The following ZNF536 variants were observed in gnomAD, a reference collection of about 807,000 sequenced individuals.
ZNF536 encodes the protein zinc finger protein 536.
Under a neutral mutation model 84.5 loss-of-function variants are expected in ZNF536, and 13 were observed. The ratio of observed to expected loss-of-function variants is 0.15; its 90% CI spans 0.10 to 0.24. The LOEUF is 0.24. Ranked by LOEUF, ZNF536 falls within the 10% of genes least tolerant of loss-of-function variation. The probability of loss-of-function intolerance (pLI) is 1.00; values close to 1 mark genes in which losing one functional copy is unlikely to be tolerated. For missense variants in ZNF536, 1,536 were observed against 1,747.5 expected (o/e 0.88, Z 2.16); for synonymous variants, 811 against 742.5 (o/e 1.09, Z -1.50).
At chr19:30,458,458 T>G (rs902109481) in intron 2 of ZNF536, among the ~76,000 whole-genome samples, 6 of 126,690 alleles carry the variant, frequency 4.7e-5, no homozygotes, top group Admixed American at 8.8e-5. Flanking sequence ...TTTTTTTTTT[T>G]TTTTTTTTTT....
chr19:30,374,800 C>T (rs1489525624), intron 1 of ZNF536, among the ~76,000 whole-genome samples: 1 of 151,904 alleles, frequency 6.6e-6, no homozygotes, highest in East Asian at 1.9e-4. Flanking sequence ...AGGCCACCCC[C>T]AGCCGGCGCC....
At chr19:30,571,369 A>G (rs2046539922) in intron 1 of ZNF536, among the ~76,000 whole-genome samples, 1 of 152,040 alleles carries the variant, frequency 6.6e-6, no homozygotes, top group African/African-American at 2.4e-5. Context: ...AAAGTTGGGA[A>G]TCTCCCAAAG....
At chr19:30,281,829 A>G (rs1001400504) in intron 1 of ZNF536, among the ~76,000 whole-genome samples, 1 of 151,564 alleles carries the variant, frequency 6.6e-6, no homozygotes. Flanking sequence ...TCCCCTTCCC[A>G]CCCCTACTCT....
rs550911611 is a variant in ZNF536 at position 30,689,170 on chromosome 19, G to A, written c.170-21587G>A. Among the ~76,000 whole-genome samples the A allele has an allele frequency of 3.3e-4, 50 of 152,360 alleles. No homozygotes were observed. In the East Asian group the frequency reaches 5.8e-3, roughly 18 times the overall value. ...CCAGGCTACGCAGCTGTTAAGAGCT[G>A]AAGGTAGAGAGCTGTCTGCCTCCAA... On this transcript the variant is annotated intron_variant, in intron 1 of 1. Coordinates refer to the ZNF536 transcript ENST00000592773.
At chr19:30,675,385 C>T (rs1414220813) in intron 1 of ZNF536, among the ~76,000 whole-genome samples, 1 of 152,180 alleles carries the variant, frequency 6.6e-6, no homozygotes, top group Non-Finnish European at 1.5e-5. Flanking sequence ...TGAGCAGAGA[C>T]AGGTGAGAAA....
chr19:30,500,336 A>C (rs1038289603), intron 2 of ZNF536, among the ~76,000 whole-genome samples: 1 of 152,116 alleles, frequency 6.6e-6, no homozygotes, highest in East Asian at 1.9e-4. Flanking sequence ...CTGTGTCTAG[A>C]ATCTCAGCAA....
At chr19:30,435,085 T>C (rs2051666395) in intron 1 of ZNF536, among the ~76,000 whole-genome samples, 1 of 146,892 alleles carries the variant, frequency 6.8e-6, no homozygotes, top group African/African-American at 2.6e-5. Context: ...CTGGTGATGA[T>C]GATGATCATG....
chr19:30,624,281 C>A (rs1032118171), intron 1 of ZNF536, among the ~76,000 whole-genome samples: 3 of 152,146 alleles, frequency 2.0e-5, no homozygotes, highest in Non-Finnish European at 2.9e-5. Context: ...TCTATGAAAG[C>A]TTTTAGCATC....
intron 2 of ZNF536, among the ~76,000 whole-genome samples, chr19:30,529,001 T>A (rs989030520): frequency 1.4e-5 from 2 of 145,664 alleles, no homozygotes; most frequent in Admixed American, 6.9e-5. Flanking sequence ...GACCCGGAGG[T>A]CTAGTCCTCG....
intron 1 of ZNF536, among the ~76,000 whole-genome samples, chr19:30,434,356 G>GGCCT (rs987312912): frequency 2.0e-5 from 3 of 152,156 alleles, no homozygotes; most frequent in Non-Finnish European, 4.4e-5. Context: ...TTCACTGCCT[G>GGCCT]GCCTGTGTCT....
At chr19:30,660,797 T>C (rs2050095443) in intron 1 of ZNF536, among the ~76,000 whole-genome samples, 1 of 152,238 alleles carries the variant, frequency 6.6e-6, no homozygotes, top group African/African-American at 2.4e-5. Context: ...CATGCAACTA[T>C]TTCAGATGGT....
At chr19:30,621,378 T>C (rs2048475913) in intron 1 of ZNF536, among the ~76,000 whole-genome samples, 1 of 152,084 alleles carries the variant, frequency 6.6e-6, no homozygotes. Flanking sequence ...TCCAGAGTTT[T>C]AGAAAGGGGG....
chr19:30,596,236 GA>G (rs200158968), intron 1 of ZNF536, among the ~76,000 whole-genome samples: 11 of 147,860 alleles, frequency 7.4e-5, no homozygotes, highest in East Asian at 2.0e-4. Flanking sequence ...AGGGAAAGGA[GA>G]AAAAAAAATA....
chr19:30,245,153 G>GA (rs1222704702), intron 1 of ZNF536, among the ~76,000 whole-genome samples: 5 of 152,202 alleles, frequency 3.3e-5, no homozygotes, highest in African/African-American at 1.2e-4. Context: ...CTCTGCATGG[G>GA]ACCCCCTCAT....
At chr19:30,525,363 C>T (rs372211645) in intron 2 of ZNF536, among the ~76,000 whole-genome samples, 2 of 152,222 alleles carry the variant, frequency 1.3e-5, no homozygotes, top group South Asian at 2.1e-4. Context: ...AAGTAGCTTC[C>T]CTCTCATAGT....
chr19:30,650,235 A>G (rs1254007639), intron 1 of ZNF536, among the ~76,000 whole-genome samples: 1 of 152,234 alleles, frequency 6.6e-6, no homozygotes, highest in Non-Finnish European at 1.5e-5. Context: ...TGATCTGCAA[A>G]CAAGGACAAA....
intron 1 of ZNF536, among the ~76,000 whole-genome samples, chr19:30,437,701 C>G (rs2051815990): frequency 6.6e-6 from 1 of 151,978 alleles, no homozygotes; most frequent in Non-Finnish European, 1.5e-5. Flanking sequence ...AAGGTCAGGA[C>G]TGGGGGGGAA....
intron 1 of ZNF536, among the ~76,000 whole-genome samples, chr19:30,681,637 T>A (rs967807140): frequency 6.6e-6 from 1 of 152,188 alleles, no homozygotes; most frequent in Non-Finnish European, 1.5e-5. Context: ...ACTGGTGGCG[T>A]TGATCCTTTC....
intron 2 of ZNF536, among the ~76,000 whole-genome samples, chr19:30,496,830 A>G (rs561522574): frequency 1.3e-5 from 2 of 151,936 alleles, no homozygotes; most frequent in Admixed American, 6.6e-5. Flanking sequence ...TTTTAATGAT[A>G]AGCTAGGTCC....
Sources: gnomAD v4.1 joint callset for allele counts (sites outside exome capture counted in the v4.1 genomes callset) on GRCh38, gnomAD v4.1.1 for gene constraint, MANE v1.5 for transcripts, NCBI Gene and HGNC (gene_info 2026-07-23, HGNC 2026-07-21) for gene names.